Variants in GNAQ observed in about 807,000 individuals in gnomAD.
GNAQ encodes the protein guanine nucleotide-binding protein G(q) subunit alpha.
Under a neutral mutation model 43.9 loss-of-function variants are expected in GNAQ, and 8 were observed. The observed-to-expected ratio is 0.18, with a 90% CI of 0.11 to 0.33. The LOEUF (loss-of-function observed/expected upper bound fraction) is 0.33, where lower values mean the gene tolerates loss of function less well. Ranked by LOEUF, GNAQ falls within the 10% of genes least tolerant of loss-of-function variation. The probability of loss-of-function intolerance (pLI) is 1.00; values close to 1 mark genes in which losing one functional copy is unlikely to be tolerated. For missense variants in GNAQ, 158 were observed against 450.8 expected, an observed-to-expected ratio of 0.35 and a Z score of 5.88; for synonymous variants, 155 against 170.7, an observed-to-expected ratio of 0.91 and a Z score of 0.71.
chr9:78,012,991 G>A (rs569965136), intron 1 of GNAQ, among the ~76,000 whole-genome samples: 1 of 152,252 alleles, frequency 6.6e-6, no homozygotes, highest in African/African-American at 2.4e-5. Flanking sequence ...AGCAGAGATG[G>A]ACAAAAGACA....
chr9:77,961,268 A>G (rs1224567168), intron 1 of GNAQ, among the ~76,000 whole-genome samples: 1 of 152,190 alleles, frequency 6.6e-6, no homozygotes, highest in East Asian at 1.9e-4. Flanking sequence ...GACTGCCTCC[A>G]CATAACCACA....
intron 2 of GNAQ, among the ~76,000 whole-genome samples, chr9:77,858,940 C>T (rs1827800810): frequency 6.6e-6 from 1 of 152,096 alleles, no homozygotes; most frequent in Non-Finnish European, 1.5e-5. Context: ...CTGTACTTTC[C>T]TATTTCCATT....
intron 5 of GNAQ, among the ~76,000 whole-genome samples, chr9:77,793,570 G>C (rs1826609761): frequency 6.6e-6 from 1 of 152,034 alleles, no homozygotes; most frequent in Non-Finnish European, 1.5e-5. Flanking sequence ...ATTTTAGTCA[G>C]CAAACGGGGA....
At chr9:77,881,852 T>C (rs11145603) in intron 2 of GNAQ, among the ~76,000 whole-genome samples, 27,503 of 152,202 alleles carry the variant, frequency 0.18, 2,742 homozygotes, top group East Asian at 0.34. Context: ...TAAATGGCAT[T>C]ATGGGCCGGG....
At chr9:77,792,116 T>C (rs1204198332) in intron 5 of GNAQ, among the ~76,000 whole-genome samples, 3 of 152,154 alleles carry the variant, frequency 2.0e-5, no homozygotes, top group South Asian at 2.1e-4. Context: ...TAGCTGTGGC[T>C]AATATGGATG....
At chr9:77,859,955 T>A (rs953879419) in intron 2 of GNAQ, among the ~76,000 whole-genome samples, 1 of 152,168 alleles carries the variant, frequency 6.6e-6, no homozygotes, top group African/African-American at 2.4e-5. Context: ...ATGTTTAACT[T>A]CTTCTTAGGC....
intron 3 of GNAQ, 148 bp from the exon 4 acceptor site, chr9:77,797,796 GAAAGATAAAGTC>G: frequency 1.5e-6 from 1 of 652,712 alleles, no homozygotes; most frequent in Non-Finnish European, 2.6e-6. Context: ...CTGTGGAAAA[GAAAGATAAAGTC>G]AACCTTCCAT....
intron 2 of GNAQ, among the ~76,000 whole-genome samples, chr9:77,834,690 A>G (rs996086070): frequency 1.3e-5 from 2 of 152,162 alleles, no homozygotes; most frequent in Non-Finnish European, 2.9e-5. Flanking sequence ...TGGGAGCAAG[A>G]GCTGCCTGTA....
At chr9:77,751,066 G>A (rs554494896) in intron 5 of GNAQ, among the ~76,000 whole-genome samples, 1 of 152,124 alleles carries the variant, frequency 6.6e-6, no homozygotes, top group East Asian at 1.9e-4. Flanking sequence ...ATCTTTCCCC[G>A]CTTTATAGAC....
intron 2 of GNAQ, among the ~76,000 whole-genome samples, chr9:77,828,055 T>C (rs1430627311): frequency 1.5e-4 from 1 of 6,894 alleles, no homozygotes; most frequent in Non-Finnish European, 2.8e-4. Flanking sequence ...GTGAGACTCC[T>C]CCTCAAAAAA....
At chr9:77,929,506 A>G (rs965086835) in intron 1 of GNAQ, among the ~76,000 whole-genome samples, 1 of 152,054 alleles carries the variant, frequency 6.6e-6, no homozygotes, top group African/African-American at 2.4e-5. Flanking sequence ...TTTCTAGGTA[A>G]ATGTACTTTT....
chr9:77,901,125 A>T (rs1828608307), intron 2 of GNAQ, among the ~76,000 whole-genome samples: 1 of 152,124 alleles, frequency 6.6e-6, no homozygotes, highest in Non-Finnish European at 1.5e-5. Context: ...TCTTGCTTCC[A>T]GAAAGTACCA....
At chr9:77,828,610 G>C (rs1253157567) in intron 2 of GNAQ, among the ~76,000 whole-genome samples, 1 of 152,216 alleles carries the variant, frequency 6.6e-6, no homozygotes, top group East Asian at 1.9e-4. Flanking sequence ...CTTTAGGTCA[G>C]AGACTAATAT....
At chr9:77,888,719 G>C (rs544059234) in intron 2 of GNAQ, among the ~76,000 whole-genome samples, 1 of 152,020 alleles carries the variant, frequency 6.6e-6, no homozygotes, top group Admixed American at 6.5e-5. Context: ...TCAGATTTTG[G>C]AAAAAAAGTG....
chr9:77,959,026 C>T (rs1823075537), intron 1 of GNAQ, among the ~76,000 whole-genome samples: 1 of 152,132 alleles, frequency 6.6e-6, no homozygotes, highest in Non-Finnish European at 1.5e-5. Flanking sequence ...ATATAAGCCT[C>T]AATATCACTG....
chr9:77,761,580 CG>C (rs1587903823), intron 5 of GNAQ, among the ~76,000 whole-genome samples: 1 of 104,006 alleles, frequency 9.6e-6, no homozygotes, highest in East Asian at 2.5e-4. Context: ...CCAGCTGCCT[CG>C]CCCGGGAGGT....
At chr9:78,027,708 G>A (rs1429889251) in intron 1 of GNAQ, among the ~76,000 whole-genome samples, 1 of 144,866 alleles carries the variant, frequency 6.9e-6, no homozygotes, top group Non-Finnish European at 1.5e-5. Flanking sequence ...GTGAGGTCGC[G>A]CCATTGCACT....
intron 1 of GNAQ, 37 bp from the exon 2 acceptor site, chr9:77,922,382 T>C: frequency 6.8e-7 from 1 of 1,471,964 alleles, no homozygotes; most frequent in Middle Eastern, 1.7e-4. Flanking sequence ...CAGACCACAG[T>C]GCCATCTCAG....
intron 1 of GNAQ, among the ~76,000 whole-genome samples, chr9:77,930,331 C>G (rs1829131169): frequency 6.6e-6 from 1 of 152,130 alleles, no homozygotes. Flanking sequence ...TATGAACTTG[C>G]CCTTTCATTT....
Sources: gnomAD v4.1 joint callset for allele counts (sites outside exome capture counted in the v4.1 genomes callset) on GRCh38, gnomAD v4.1.1 for gene constraint, MANE v1.5 for transcripts, NCBI Gene and HGNC (gene_info 2026-07-23, HGNC 2026-07-21) for gene names.